LHPP: variants seen among roughly 807,000 people sequenced by gnomAD.
LHPP encodes phospholysine phosphohistidine inorganic pyrophosphate phosphatase.
In LHPP, 24 loss-of-function variants were observed where a neutral mutation model predicts 30.3. The ratio of observed to expected loss-of-function variants is 0.79; its 90% CI spans 0.57 to 1.11. The LOEUF is 1.11. Ranked by LOEUF, LHPP falls within the 50% of genes most tolerant of loss-of-function variation. The pLI is 0.00. For missense variants in LHPP, 356 were observed against 367.2 expected (o/e 0.97, Z 0.25); for synonymous variants, 150 against 157.1 (o/e 0.95, Z 0.34).
chr10:124,504,054 T>G (rs1037871741), intron 5 of LHPP, among the ~76,000 whole-genome samples: 1 of 151,974 alleles, frequency 6.6e-6, no homozygotes, highest in African/African-American at 2.4e-5. Context: ...TAGCCGGGCC[T>G]GGCAGCAGGT....
chr10:124,462,503 G>A (rs1361639499), intron 1 of LHPP, among the ~76,000 whole-genome samples: 1 of 152,116 alleles, frequency 6.6e-6, no homozygotes, highest in African/African-American at 2.4e-5. Flanking sequence ...GCTGAGGCAG[G>A]AGGATCGCTT....
intron 1 of LHPP, among the ~76,000 whole-genome samples, chr10:124,483,716 C>T (rs1417276848): frequency 2.0e-5 from 3 of 152,002 alleles, no homozygotes; most frequent in Non-Finnish European, 4.4e-5. Flanking sequence ...GAGATCATGC[C>T]ACTGCACTCC....
intron 6 of LHPP, among the ~76,000 whole-genome samples, chr10:124,601,749 G>A (rs1949025015): frequency 6.6e-6 from 1 of 152,222 alleles, no homozygotes; most frequent in Non-Finnish European, 1.5e-5. Context: ...AAGGTTCACG[G>A]CAAAAACCCT....
Position 124,590,402 on chromosome 10 carries a change from G to T in LHPP, c.717-22862G>T, listed in dbSNP as rs1948867304. 6.6e-6 allele frequency among the ~76,000 whole-genome samples: 1 copy of T among 152,172 alleles called. No homozygotes were observed. The highest frequency in any genetic ancestry group is 1.5e-5 in the Non-Finnish European group (1 of 68,042). ...CGCCTCTCATCCTCTGAGCCAAGAA[G>T]ACTTCTGACCCAGAATTCTGAGTTG... On this transcript the variant is annotated intron_variant, in intron 6 of 6. Transcript: ENST00000368842. The surrounding 1 kb of genome is among the most constrained non-coding windows in gnomAD (Gnocchi z 4.3).
chr10:124,496,517 CTCT>C lies in LHPP; in HGVS notation c.468-438_468-436del, dbSNP rs775446250. Among the ~76,000 whole-genome samples the C allele has an allele frequency of 2.6e-5, 4 of 152,338 alleles. No individual in the cohort carries two copies. The highest frequency in any genetic ancestry group is 4.8e-5 in the African/African-American group (2 of 41,578). The stretch of plus-strand genomic sequence containing the variant: ...AGGGTGCTGTGGAACTAATGGAGTT[CTCT>C]TCTTCAGCCAGCAATTAGGGGTTAA... On this transcript the variant is annotated intron_variant, in intron 3 of 6. Transcript: ENST00000368842. This position sits in a 1 kb window ranked among gnomAD's most constrained non-coding sequence, Gnocchi z 4.3.
chr10:124,582,525 G>A (rs910047480), intron 6 of LHPP, among the ~76,000 whole-genome samples: 1 of 152,122 alleles, frequency 6.6e-6, no homozygotes, highest in Non-Finnish European at 1.5e-5. Context: ...GGAGTTAAGG[G>A]TGCTTGCTGC....
At chr10:124,558,998 C>T (rs1454617050) in intron 6 of LHPP, among the ~76,000 whole-genome samples, 1 of 152,220 alleles carries the variant, frequency 6.6e-6, no homozygotes, top group Non-Finnish European at 1.5e-5. Context: ...TGGCTTCCTG[C>T]ACCCGGGACA....
chr10:124,477,407 T>A (rs1409751399), intron 1 of LHPP, among the ~76,000 whole-genome samples: 1 of 152,160 alleles, frequency 6.6e-6, no homozygotes, highest in Non-Finnish European at 1.5e-5. Context: ...CCAGGTGATG[T>A]CTGCAATGTG....
At chr10:124,597,711 AGAGT>A (rs892382165) in intron 6 of LHPP, among the ~76,000 whole-genome samples, 4 of 152,124 alleles carry the variant, frequency 2.6e-5, no homozygotes, top group African/African-American at 9.7e-5. Context: ...GGGGCAGCCC[AGAGT>A]GAGTGCCCTG....
intron 2 of LHPP, among the ~76,000 whole-genome samples, chr10:124,487,428 C>A (rs1953367235): frequency 7.3e-6 from 1 of 136,588 alleles, no homozygotes; most frequent in African/African-American, 2.9e-5. Flanking sequence ...TTGTGTATTT[C>A]AGTTTCTTTC....
chr10:124,461,969 CG>C lies in LHPP; in HGVS notation c.109del (p.Val37TrpfsTer7), dbSNP rs774963075. 1 of 1,219,692 alleles carries C rather than the reference CG, an allele frequency of 8.2e-7. No individual in the cohort carries two copies. Among genetic ancestry groups the C allele is most frequent in the Admixed American group, 4.3e-5 (1 of 23,072 alleles). 75.6% of individuals were successfully genotyped at this position (1,219,692 alleles called of 1,614,324 possible). A position where few individuals can be genotyped will look rare whatever the true frequency, so the allele number is the denominator to read the frequency against. ...GGCGGCGGCACGGCCATCGCCGGCTCGGTGGAGGCGGTGGCCAGGTGAGTGG... is the reference window on the plus strand; with the variant it reads ...GGCGGCGGCACGGCCATCGCCGGCTCGTGGAGGCGGTGGCCAGGTGAGTGG... ...GAGGGTAIAG[S>X]VEAVARLKRS... is the part of the protein sequence containing the mutation. On this transcript the variant is annotated frameshift_variant, in exon 1 of 7. Transcript: ENST00000368842. LOFTEE classifies it high-confidence loss of function.
chr10:124,568,374 C>A (rs1025436371), intron 6 of LHPP, among the ~76,000 whole-genome samples: 9 of 152,190 alleles, frequency 5.9e-5, no homozygotes, highest in Non-Finnish European at 1.0e-4. Context: ...TTGCCCTTTG[C>A]CTGCAACCCC....
chr10:124,504,297 G>C (rs1953996266), intron 5 of LHPP, among the ~76,000 whole-genome samples: 1 of 151,652 alleles, frequency 6.6e-6, no homozygotes, highest in Non-Finnish European at 1.5e-5. Context: ...CCACTGCCTG[G>C]AAAATAAGAC....
intron 5 of LHPP, among the ~76,000 whole-genome samples, chr10:124,509,824 C>T (rs942954153): frequency 1.6e-4 from 25 of 152,046 alleles, no homozygotes; most frequent in African/African-American, 4.1e-4. Context: ...TGCTGCTTCC[C>T]GCCCTAATCC....
chr10:124,461,845 G>T lies in LHPP; in HGVS notation c.-18G>T, dbSNP rs1328967231. 1 of 1,237,344 alleles carries T rather than the reference G, an allele frequency of 8.1e-7. No homozygotes were observed. Among genetic ancestry groups the T allele is most frequent in the East Asian group, 3.1e-5 (1 of 32,224 alleles). 76.6% of individuals were successfully genotyped at this position (1,237,344 alleles called of 1,614,324 possible). Reference sequence around the variant, plus strand: ...GGCGTCGGTTGGGACGCGGAGCTGAGGAGCAGGGCCGGGCGCCATGGCACC... The same window carrying T: ...GGCGTCGGTTGGGACGCGGAGCTGATGAGCAGGGCCGGGCGCCATGGCACC... On this transcript the variant is annotated 5_prime_UTR_variant, in exon 1 of 7. The change creates a new upstream start codon in the 5' untranslated region. Coordinates refer to ENST00000368842, the MANE Select transcript of LHPP (RefSeq NM_022126.4).
At chr10:124,598,831 C>T (rs1268357744) in intron 6 of LHPP, among the ~76,000 whole-genome samples, 4 of 151,826 alleles carry the variant, frequency 2.6e-5, no homozygotes, top group Non-Finnish European at 1.5e-5. Flanking sequence ...ATCCATCCAT[C>T]TCTGTCCATC....
intron 6 of LHPP, among the ~76,000 whole-genome samples, chr10:124,572,035 G>T (rs1273980876): frequency 6.6e-6 from 1 of 152,200 alleles, no homozygotes; most frequent in East Asian, 1.9e-4. Context: ...AGCCCCTTGG[G>T]TGTTGGAGGA....
At position 124,613,489 on chromosome 10, in the gene LHPP, C is replaced by CGCCCAGGAGAG; in HGVS notation, c.*129_*130insGCCCAGGAGAG. 1 of 675,948 alleles carries CGCCCAGGAGAG rather than the reference C, an allele frequency of 1.5e-6. No homozygotes were observed. Among genetic ancestry groups the CGCCCAGGAGAG allele is most frequent in the East Asian group, 2.7e-5 (1 of 36,928 alleles). 41.9% of individuals were successfully genotyped at this position (675,948 alleles called of 1,614,324 possible). A position where few individuals can be genotyped will look rare whatever the true frequency, so the allele number is the denominator to read the frequency against. ...CCTCCACCCCTGCCTCTCCTCCACCCCTGCCTCCCCTCCACCTGCCCCAGT... is the reference window on the plus strand; with the variant it reads ...CCTCCACCCCTGCCTCTCCTCCACCCGCCCAGGAGAGCTGCCTCCCCTCCACCTGCCCCAGT... On this transcript the variant is annotated 3_prime_UTR_variant, in exon 7 of 7. Coordinates refer to ENST00000368842, the MANE Select transcript of LHPP (RefSeq NM_022126.4).
At chr10:124,497,085 G>C (rs1953738033) in intron 4 of LHPP, 61 bp downstream of exon 4, 1 of 1,358,626 alleles carries the variant, frequency 7.4e-7, no homozygotes, top group African/African-American at 1.5e-5. Context: ...GGACTTTTTG[G>C]GTCTTTGTTG....
Sources: allele counts gnomAD v4.1 joint callset (sites outside exome capture counted in the v4.1 genomes callset), GRCh38; gene constraint gnomAD v4.1.1; non-coding constraint Gnocchi (gnomAD v3.1); transcripts MANE v1.5; gene names NCBI Gene and HGNC (gene_info 2026-07-23, HGNC 2026-07-21).